Variants in CAGE1 observed in about 807,000 individuals in gnomAD.
CAGE1 encodes cancer-associated gene 1 protein.
A neutral mutation model predicts 94.9 loss-of-function variants in CAGE1; 66 were observed. The ratio of observed to expected loss-of-function variants is 0.70; its 90% confidence interval spans 0.57 to 0.85. CAGE1 has a LOEUF of 0.85. CAGE1 is among the 40% of genes least tolerant of loss of function. The pLI is 0.00. For synonymous variants in CAGE1, 319 were observed against 321.0 expected, an observed-to-expected ratio of 0.99 and a Z score of 0.07; for missense variants, 865 against 950.4, an observed-to-expected ratio of 0.91 and a Z score of 1.18.
At chr6:7,356,995 C>T (rs1262137374) in intron 9 of CAGE1, among the ~76,000 whole-genome samples, 1 of 152,024 alleles carries the variant, frequency 6.6e-6, no homozygotes, top group East Asian at 1.9e-4. Flanking sequence ...TGGGGTTTCA[C>T]CATGTTGGCC....
At chr6:7,330,489 A>G (rs572228896) in intron 12 of CAGE1, among the ~76,000 whole-genome samples, 7 of 152,358 alleles carry the variant, frequency 4.6e-5, no homozygotes, top group African/African-American at 1.2e-4. Context: ...TGAAAACTTA[A>G]TGAATTTCCT....
intron 13 of CAGE1, chr6:7,329,360 G>A (rs1488589233): frequency 5.0e-5 from 17 of 340,382 alleles, no homozygotes; most frequent in Non-Finnish European, 7.9e-5. Context: ...AGCAGTGAAC[G>A]GTAAGACTGG....
At chr6:7,332,784 G>C (rs1489932007) in intron 12 of CAGE1, among the ~76,000 whole-genome samples, 1 of 152,072 alleles carries the variant, frequency 6.6e-6, no homozygotes, top group Admixed American at 6.6e-5. Flanking sequence ...CTTGGATCTG[G>C]CCAAGAGATA....
chr6:7,332,877 G>A (rs1758803782), intron 12 of CAGE1, among the ~76,000 whole-genome samples: 1 of 152,120 alleles, frequency 6.6e-6, no homozygotes, highest in Non-Finnish European at 1.5e-5. Context: ...TTGGGAACTG[G>A]TAACAGTGTT....
chr6:7,337,325 G>GAAAA (rs58144720), intron 11 of CAGE1, among the ~76,000 whole-genome samples: 14 of 81,558 alleles, frequency 1.7e-4, no homozygotes, highest in Admixed American at 4.6e-4. Flanking sequence ...AGACTGTCTC[G>GAAAA]AAAAAAAAAA....
intron 12 of CAGE1, among the ~76,000 whole-genome samples, chr6:7,332,437 G>A (rs1273890267): frequency 6.6e-6 from 1 of 152,182 alleles, no homozygotes; most frequent in African/African-American, 2.4e-5. Flanking sequence ...TCCTTGGGCA[G>A]AGCTGAAGAT....
At chr6:7,370,459 A>G (rs1760500980) in intron 5 of CAGE1, among the ~76,000 whole-genome samples, 1 of 152,006 alleles carries the variant, frequency 6.6e-6, no homozygotes, top group South Asian at 2.1e-4. Context: ...ACACTCGGCT[A>G]ATTTTTCAAA....
intron 11 of CAGE1, among the ~76,000 whole-genome samples, chr6:7,345,695 A>G (rs1457423806): frequency 6.6e-6 from 1 of 152,132 alleles, no homozygotes; most frequent in East Asian, 1.9e-4. Flanking sequence ...TGGGAGGCTG[A>G]GGCGGGCAGA....
rs770771982 is a variant in CAGE1, at chr6:7,356,075, T to C, written c.2248A>G (p.Ile750Val). Residue 750 changes from isoleucine (I) to valine (V), a missense_variant, in exon 10 of 14, where the codon ATT (isoleucine) becomes GTT (valine). Physicochemically the swap from Ile to Val is conservative, Grantham distance 29. Coordinates refer to ENST00000502583, the MANE Select transcript of CAGE1 (RefSeq NM_001170692.2). The part of the protein sequence containing the change: ...ESKENHCNRL[I>V]EENDKYQRHL... Reference sequence around the variant, plus strand: ...CTTTGATACTTGTCATTTTCTTCAATGAGTCTGTTGCAGTGGTTTTCTTTT... The same window carrying C: ...CTTTGATACTTGTCATTTTCTTCAACGAGTCTGTTGCAGTGGTTTTCTTTT... 8.0e-5 allele frequency: 124 copies of C among 1,550,724 alleles called. No individual in the cohort carries two copies. The highest frequency in any genetic ancestry group is 1.0e-4 in the Non-Finnish European group (119 of 1,146,016).
chr6:7,344,814 T>C (rs933931646), intron 11 of CAGE1, among the ~76,000 whole-genome samples: 4 of 152,226 alleles, frequency 2.6e-5, no homozygotes, highest in African/African-American at 9.6e-5. Flanking sequence ...GGTTTGTGAA[T>C]GCACCAATCA....
At chr6:7,344,356 C>T (rs1759324337) in intron 11 of CAGE1, among the ~76,000 whole-genome samples, 1 of 152,250 alleles carries the variant, frequency 6.6e-6, no homozygotes, top group African/African-American at 2.4e-5. Flanking sequence ...GGGTTTAGCA[C>T]CCGGGCCAGC....
At chr6:7,347,690 G>A (rs1477853994) in intron 11 of CAGE1, among the ~76,000 whole-genome samples, 1 of 152,146 alleles carries the variant, frequency 6.6e-6, no homozygotes, top group Non-Finnish European at 1.5e-5. Flanking sequence ...AAGTTCTCAA[G>A]CCCTGCTCAC....
chr6:7,341,355 T>C, intron 11 of CAGE1: 1 of 736,500 alleles, frequency 1.4e-6, no homozygotes, highest in Non-Finnish European at 2.4e-6. Flanking sequence ...ATGGGTCCTG[T>C]TGTGATCAGG....
At chr6:7,345,627 T>TA (rs747365706) in intron 11 of CAGE1, among the ~76,000 whole-genome samples, 52 of 152,322 alleles carry the variant, frequency 3.4e-4, no homozygotes, top group Middle Eastern at 3.4e-3. Context: ...GTCTAAGGCC[T>TA]GTGAACGGAA....
rs1257084432 is a variant in CAGE1 at position 7,358,065 on chromosome 6, T to TATATATATATATATATAC, written c.2194-1937_2194-1936insGTATATATATATATATAT. ...ATATATATATATATATATATATATA[T>TATATATATATATATATAC]ATATATGCCTCCAAAACCATCACCA... is the stretch of plus-strand genomic sequence containing the variant. On this transcript the variant is annotated intron_variant, in intron 9 of 13. Coordinates refer to ENST00000502583, the MANE Select transcript of CAGE1 (RefSeq NM_001170692.2). 2.0e-4 allele frequency among the ~76,000 whole-genome samples: 23 copies of TATATATATATATATATAC among 114,086 alleles called. 1 individual carries two copies. The highest frequency in any genetic ancestry group is 8.2e-4 in the African/African-American group (22 of 26,774). 74.8% of individuals were successfully genotyped at this position (114,086 alleles called of 152,430 possible). A position where few individuals can be genotyped will look rare whatever the true frequency, so the allele number is the denominator to read the frequency against.
intron 11 of CAGE1, chr6:7,341,738 C>A (rs1227848149): frequency 4.3e-6 from 3 of 691,934 alleles, no homozygotes; most frequent in African/African-American, 3.5e-5. Context: ...AGGAAGGCCT[C>A]GCTTGGATCA....
rs1400189468 is a variant in CAGE1, at chr6:7,380,096, G to T, written c.284-1076C>A. The stretch of plus-strand genomic sequence containing the variant: ...CTATTCCACAATGATTTTCATACGG[G>T]ACTTGCTTTTTATTATAGCAACCTC... On this transcript the variant is annotated intron_variant, in intron 3 of 13. Transcript: ENST00000502583. Among the ~76,000 whole-genome samples the T allele has an allele frequency of 7.9e-5, 12 of 152,030 alleles. No individual in the cohort carries two copies. In the East Asian group the frequency reaches 2.1e-3, roughly 27 times the overall value.
At chr6:7,352,313 A>AAC (rs1554137887) in intron 11 of CAGE1, among the ~76,000 whole-genome samples, 1 of 132,418 alleles carries the variant, frequency 7.6e-6, no homozygotes, top group South Asian at 2.4e-4. Context: ...AAACAAAAAA[A>AAC]AACAAAAAAA....
intron 10 of CAGE1, among the ~76,000 whole-genome samples, chr6:7,355,714 G>T (rs1759927686): frequency 6.6e-6 from 1 of 152,194 alleles, no homozygotes; most frequent in African/African-American, 2.4e-5. Flanking sequence ...AAGGCAGTTT[G>T]TACCAGGCCG....
Sources: allele counts gnomAD v4.1 joint callset (sites outside exome capture counted in the v4.1 genomes callset), GRCh38; gene constraint gnomAD v4.1.1; transcripts MANE v1.5; gene names NCBI Gene and HGNC (gene_info 2026-07-23, HGNC 2026-07-21).